The following ARHGAP35 variants were observed in gnomAD, a reference collection of about 807,000 sequenced individuals.
ARHGAP35 encodes the protein Rho GTPase activating protein 35, also known as rho GTPase-activating protein 35.
A neutral mutation model predicts 111.1 loss-of-function variants in ARHGAP35; 15 were observed. The observed-to-expected ratio is 0.13, with a 90% CI of 0.09 to 0.21. The LOEUF (loss-of-function observed/expected upper bound fraction) is 0.21. Among genes scored for constraint, ARHGAP35 ranks in the 10% least tolerant of loss-of-function variants. The pLI, the probability that ARHGAP35 is intolerant of heterozygous loss-of-function variation, is 1.00. For missense variants in ARHGAP35, 1,262 were observed against 1,873.0 expected (o/e 0.67, Z 6.02); for synonymous variants, 643 against 710.3 (o/e 0.91, Z 1.51).
intron 1 of ARHGAP35, among the ~76,000 whole-genome samples, chr19:46,914,164 G>T (rs543774112): frequency 6.6e-5 from 10 of 152,298 alleles, no homozygotes; most frequent in African/African-American, 1.7e-4. Flanking sequence ...AGACATCAAA[G>T]CTAAGAAGAG....
chr19:46,921,419 T>C lies in ARHGAP35; in HGVS notation c.2744T>C (p.Ile915Thr), dbSNP rs2056199388. 1.2e-6 allele frequency: 2 copies of C among 1,613,852 alleles called. No individual in the cohort carries two copies. Among genetic ancestry groups the C allele is most frequent in the East Asian group, 4.5e-5 (2 of 44,876 alleles). Reference protein sequence around the residue: ...LTEGEEIAQEIDGRFTSIPCS... With the variant: ...LTEGEEIAQETDGRFTSIPCS... ...GAGGGGGAGGAGATTGCTCAAGAAA[T>C]TGACGGAAGGTTCACAAGCATCCCC... The change falls in exon 2 of 7, where the codon ATT (isoleucine) becomes ACT (threonine). Residue 915 changes from isoleucine (I) to threonine (T), a missense_variant. By Grantham distance (89) the Ile-to-Thr change is moderately conservative (BLOSUM62 -1). This residue lies in a region of ARHGAP35 where 579 missense variants were observed against 716.9 expected (regional missense o/e 0.81). Coordinates refer to ENST00000672722, the MANE Select transcript of ARHGAP35 (RefSeq NM_004491.5). The surrounding 1 kb of genome is among the most constrained non-coding windows in gnomAD (Gnocchi z 4.3).
At chr19:46,949,436 T>C (rs2056399810) in intron 3 of ARHGAP35, among the ~76,000 whole-genome samples, 2 of 152,222 alleles carry the variant, frequency 1.3e-5, no homozygotes. Flanking sequence ...GAACCCGACA[T>C]TGTGTTGTGC....
At chr19:46,880,799 C>A (rs1345845094) in intron 1 of ARHGAP35, among the ~76,000 whole-genome samples, 1 of 151,592 alleles carries the variant, frequency 6.6e-6, no homozygotes, top group Non-Finnish European at 1.5e-5. Context: ...CCTCAGCCTA[C>A]CGAGTACCTG....
intron 1 of ARHGAP35, among the ~76,000 whole-genome samples, chr19:46,905,615 T>G (rs545425230): frequency 3.6e-4 from 54 of 150,706 alleles, no homozygotes; most frequent in Non-Finnish European, 6.9e-4. Context: ...AATGGCGCGA[T>G]CTCAGCTCAC....
intron 3 of ARHGAP35, among the ~76,000 whole-genome samples, chr19:46,960,263 A>T (rs1036678337): frequency 2.0e-5 from 3 of 152,096 alleles, no homozygotes; most frequent in African/African-American, 7.2e-5. Flanking sequence ...GTCATTAGGT[A>T]CCCATCTTCT....
At chr19:46,984,856 C>T (rs1179442019) in intron 3 of ARHGAP35, among the ~76,000 whole-genome samples, 1 of 152,164 alleles carries the variant, frequency 6.6e-6, no homozygotes, top group Non-Finnish European at 1.5e-5. Context: ...ATGCCGGGGC[C>T]GGTGGCCATT....
Position 46,878,988 on chromosome 19 carries a change from A to G in ARHGAP35, c.-189+17779A>G, listed in dbSNP as rs527853650. On this transcript the variant is annotated intron_variant, in intron 1 of 6. Transcript: ENST00000672722. The stretch of plus-strand genomic sequence containing the variant: ...CTTTCGTGAAAGATTTCTGTATAGC[A>G]TGCAATGCTGTTTGATAGCATTTTA... 5.3e-4 allele frequency among the ~76,000 whole-genome samples: 81 copies of G among 152,356 alleles called. 1 individual carries two copies. In the South Asian group the frequency reaches 0.016, roughly 30 times the overall value.
chr19:46,952,220 T>C (rs2056416760), intron 3 of ARHGAP35, among the ~76,000 whole-genome samples: 1 of 152,184 alleles, frequency 6.6e-6, no homozygotes, highest in South Asian at 2.1e-4. Context: ...TTAAAATACA[T>C]TATTTTTAGA....
intron 3 of ARHGAP35, chr19:46,949,244 AAAAAC>A (rs1599841232): frequency 6.6e-6 from 1 of 152,354 alleles, no homozygotes; most frequent in Middle Eastern, 3.4e-3. Flanking sequence ...GTTGATTTTT[AAAAAC>A]AAAACAAAAA....
chr19:46,972,966 A>G (rs1390225626), intron 3 of ARHGAP35, among the ~76,000 whole-genome samples: 14 of 152,178 alleles, frequency 9.2e-5, no homozygotes, highest in Admixed American at 8.5e-4. Flanking sequence ...ATAGTATTCA[A>G]CCCTGTTCCC....
chr19:46,941,484 C>T (rs1015961561), intron 3 of ARHGAP35, among the ~76,000 whole-genome samples: 1 of 151,768 alleles, frequency 6.6e-6, no homozygotes, highest in African/African-American at 2.4e-5. Context: ...GGGAGAATTG[C>T]TTGAGGCCAA....
At chr19:46,940,291 G>A (rs781343351) in intron 3 of ARHGAP35, among the ~76,000 whole-genome samples, 5 of 151,584 alleles carry the variant, frequency 3.3e-5, no homozygotes, top group African/African-American at 1.2e-4. Context: ...CCTGGGAGGC[G>A]GAGGTTGCGG....
In ARHGAP35 at chr19:46,926,510, A is replaced by G. The variant is rs1218485731; in HGVS notation, c.3681+4154A>G. On this transcript the variant is annotated intron_variant, in intron 2 of 6. Transcript: ENST00000672722. The surrounding 1 kb of genome is among the most constrained non-coding windows in gnomAD (Gnocchi z 4.1). ...AAAACAGGCTGGGGAGCCTTGTTCC[A>G]CAAAGTATGCCTTTTGGTCATGCTG... 6.6e-6 allele frequency among the ~76,000 whole-genome samples: 1 copy of G among 152,136 alleles called. No homozygotes were observed. The highest frequency in any genetic ancestry group is 6.5e-5 in the Admixed American group (1 of 15,280).
At chr19:46,903,176 A>G (rs1441013222) in intron 1 of ARHGAP35, among the ~76,000 whole-genome samples, 1 of 152,158 alleles carries the variant, frequency 6.6e-6, no homozygotes, top group Non-Finnish European at 1.5e-5. Flanking sequence ...GACACATGCA[A>G]TAGTGAAGGA....
At chr19:46,972,192 G>A (rs1361752106) in intron 3 of ARHGAP35, among the ~76,000 whole-genome samples, 1 of 152,106 alleles carries the variant, frequency 6.6e-6, no homozygotes, top group African/African-American at 2.4e-5. Context: ...TATTTTTGTA[G>A]TAGAGATGAG....
intron 2 of ARHGAP35, among the ~76,000 whole-genome samples, chr19:46,923,015 G>A (rs1011643913): frequency 6.6e-6 from 1 of 151,108 alleles, no homozygotes; most frequent in Non-Finnish European, 1.5e-5. Context: ...CACAAATGGT[G>A]CAGGGAGAGA....
chr19:46,888,561 T>C (rs985010206), intron 1 of ARHGAP35, among the ~76,000 whole-genome samples: 2 of 151,244 alleles, frequency 1.3e-5, no homozygotes, highest in Non-Finnish European at 2.9e-5. Context: ...CTTATTCTTA[T>C]ATTTCAAGGT....
rs1391027310 is a variant in ARHGAP35 at position 46,920,127 on chromosome 19, T to C, written c.1452T>C (p.Ile484=). The C allele has an allele frequency of 6.2e-7, 1 of 1,613,750 alleles. No homozygotes were observed. Among genetic ancestry groups the C allele is most frequent in the Non-Finnish European group, 8.5e-7 (1 of 1,179,882 alleles). The part of the protein sequence containing the change: ...MDIYGKHQKQ[I]IDKAKEEFQE... Reference sequence around the variant, plus strand: ...TTTATGGCAAACACCAAAAGCAAATTATAGATAAAGCAAAGGAAGAATTTC... The same window carrying C: ...TTTATGGCAAACACCAAAAGCAAATCATAGATAAAGCAAAGGAAGAATTTC... Residue 484 remains isoleucine (I), a synonymous_variant, in exon 2 of 7, where the codon ATT becomes ATC. Transcript: ENST00000672722. This position sits in a 1 kb window ranked among gnomAD's most constrained non-coding sequence, Gnocchi z 7.0.
At position 46,920,260 on chromosome 19, in the gene ARHGAP35, C is replaced by A. The variant is rs2056190414; in HGVS notation, c.1585C>A (p.Arg529=). 2 of 1,613,788 alleles carry A rather than the reference C, an allele frequency of 1.2e-6. No homozygotes were observed. The highest frequency in any genetic ancestry group is 1.3e-5 in the African/African-American group (1 of 74,902). Residue 529 remains arginine, a synonymous_variant, in exon 2 of 7, where the codon CGA becomes AGA. Transcript: ENST00000672722. This position sits in a 1 kb window ranked among gnomAD's most constrained non-coding sequence, Gnocchi z 7.0. ...VIQDVLGEEQ[R]FKALQKLQAE... ...TCAGGATGTTCTGGGAGAGGAACAGCGATTTAAAGCATTACAAAAGCTCCA... is the reference window on the plus strand; with the variant it reads ...TCAGGATGTTCTGGGAGAGGAACAGAGATTTAAAGCATTACAAAAGCTCCA...
Sources: gnomAD v4.1 joint callset for allele counts (sites outside exome capture counted in the v4.1 genomes callset) on GRCh38, gnomAD v4.1.1 for gene constraint, gnomAD v4.1.1 regional missense constraint, Gnocchi (gnomAD v3.1) non-coding constraint, MANE v1.5 for transcripts, NCBI Gene and HGNC (gene_info 2026-07-23, HGNC 2026-07-21) for gene names.